RAD54L2: variants seen among roughly 807,000 people sequenced by gnomAD.
The protein encoded by RAD54L2 is RAD54 like 2.
RAD54L2 carries 27 observed loss-of-function variants against 138.4 expected under a neutral mutation model. That is an observed-to-expected ratio of 0.20 (90% CI 0.14 to 0.27). The LOEUF is 0.27. Among genes scored for constraint, RAD54L2 ranks in the 10% least tolerant of loss-of-function variants. The probability of loss-of-function intolerance (pLI) is 1.00; values close to 1 mark genes in which losing one functional copy is unlikely to be tolerated. For missense variants in RAD54L2, 1,396 were observed against 1,890.2 expected (o/e 0.74, Z 4.85); for synonymous variants, 644 against 723.2 (o/e 0.89, Z 1.76).
chr3:51,615,384 C>T (rs1054382841), intron 3 of RAD54L2, among the ~76,000 whole-genome samples: 17 of 152,058 alleles, frequency 1.1e-4, no homozygotes, highest in Admixed American at 7.2e-4. Context: ...TTAGGGAAAG[C>T]GTGGTCCACA....
chr3:51,555,660 C>T (rs555986261), intron 2 of RAD54L2, among the ~76,000 whole-genome samples: 2 of 152,278 alleles, frequency 1.3e-5, no homozygotes, highest in Admixed American at 1.3e-4. Context: ...CAAGCTGTAA[C>T]TCAACCACCA....
intron 3 of RAD54L2, among the ~76,000 whole-genome samples, chr3:51,613,936 C>T (rs1700389139): frequency 6.6e-6 from 1 of 152,150 alleles, no homozygotes; most frequent in African/African-American, 2.4e-5. Context: ...GATCAGGATG[C>T]TACTACTGGA....
chr3:51,616,592 C>G (rs1485288631), intron 3 of RAD54L2, among the ~76,000 whole-genome samples: 1 of 152,124 alleles, frequency 6.6e-6, no homozygotes, highest in African/African-American at 2.4e-5. Flanking sequence ...CTTTGGGAGG[C>G]TGAGGTGGAT....
chr3:51,555,634 G>C (rs1698942792), intron 2 of RAD54L2, among the ~76,000 whole-genome samples: 1 of 152,122 alleles, frequency 6.6e-6, no homozygotes, highest in Non-Finnish European at 1.5e-5. Context: ...TTCCAGCCTG[G>C]GTGACAGAGT....
At chr3:51,543,647 G>C (rs181636830) in intron 2 of RAD54L2, among the ~76,000 whole-genome samples, 2 of 150,742 alleles carry the variant, frequency 1.3e-5, no homozygotes, top group African/African-American at 4.9e-5. Context: ...ATACACCTCT[G>C]GTCTCTAACA....
At chr3:51,583,481 C>T (rs1699651511) in intron 2 of RAD54L2, among the ~76,000 whole-genome samples, 1 of 151,238 alleles carries the variant, frequency 6.6e-6, no homozygotes, top group Non-Finnish European at 1.5e-5. Flanking sequence ...GTGCAATGGC[C>T]TGATCTTGGC....
At chr3:51,553,301 T>C (rs1698885702) in intron 2 of RAD54L2, among the ~76,000 whole-genome samples, 2 of 151,930 alleles carry the variant, frequency 1.3e-5, no homozygotes, top group African/African-American at 2.4e-5. Flanking sequence ...TGGTCTCGAT[T>C]TCTTGACCTC....
At chr3:51,626,960 C>G (rs956540598) in intron 3 of RAD54L2, among the ~76,000 whole-genome samples, 1 of 152,106 alleles carries the variant, frequency 6.6e-6, no homozygotes, top group East Asian at 1.9e-4. Flanking sequence ...TGTGTTTGTA[C>G]ATGCCCTGTC....
intron 2 of RAD54L2, among the ~76,000 whole-genome samples, chr3:51,560,238 T>C (rs570536941): frequency 1.3e-5 from 2 of 152,366 alleles, no homozygotes; most frequent in South Asian, 4.1e-4. Context: ...AATAGCACTC[T>C]AGGCCCTGGT....
chr3:51,657,717 T>C (rs1452862004), intron 21 of RAD54L2, 48 bp downstream of exon 21: 1 of 1,317,654 alleles, frequency 7.6e-7, no homozygotes, highest in Non-Finnish European at 1.1e-6. Context: ...TTGAGAGTGC[T>C]GGGCTGGGAA....
intron 3 of RAD54L2, among the ~76,000 whole-genome samples, chr3:51,612,241 G>C (rs1700348690): frequency 6.6e-6 from 1 of 152,162 alleles, no homozygotes; most frequent in South Asian, 2.1e-4. Context: ...GAGGCGGGCA[G>C]ATCACCTGAG....
chr3:51,561,914 G>T (rs1181418856), intron 2 of RAD54L2, among the ~76,000 whole-genome samples: 1 of 148,804 alleles, frequency 6.7e-6, no homozygotes, highest in Non-Finnish European at 1.5e-5. Context: ...TGTTGCCTAG[G>T]CTGGAGTGCA....
At chr3:51,570,374 C>T (rs1699313081) in intron 2 of RAD54L2, among the ~76,000 whole-genome samples, 1 of 150,086 alleles carries the variant, frequency 6.7e-6, no homozygotes, top group South Asian at 2.1e-4. Flanking sequence ...GAACTCCTGA[C>T]CTCTGGATCC....
intron 2 of RAD54L2, among the ~76,000 whole-genome samples, chr3:51,575,409 G>A (rs957223858): frequency 1.3e-5 from 2 of 152,090 alleles, no homozygotes; most frequent in African/African-American, 4.8e-5. Context: ...GCTTCATGGG[G>A]ATGGCATTGA....
At chr3:51,564,517 G>A (rs1324603295) in intron 2 of RAD54L2, among the ~76,000 whole-genome samples, 1 of 152,204 alleles carries the variant, frequency 6.6e-6, no homozygotes, top group African/African-American at 2.4e-5. Flanking sequence ...GGGAGCTCTT[G>A]GGGTCTGCCC....
At position 51,645,279 on chromosome 3, in the gene RAD54L2, C is replaced by T. The variant is rs770912494; in HGVS notation, c.2656+50C>T. 1.1e-5 allele frequency: 16 copies of T among 1,509,274 alleles called. No homozygotes were observed. The South Asian group carries it at 1.8e-4, about 17-fold the overall frequency. 93.5% of individuals were successfully genotyped at this position (1,509,274 alleles called of 1,614,324 possible). Reference sequence around the variant, plus strand: ...GAGGCACATCTATACAGGCTACCATCCTTTTAGTATCAAGGGTGGGAGAGG... The same window carrying T: ...GAGGCACATCTATACAGGCTACCATTCTTTTAGTATCAAGGGTGGGAGAGG... On this transcript the variant is annotated intron_variant, in intron 17 of 22. Transcript: ENST00000684192. This position sits in a 1 kb window ranked among gnomAD's most constrained non-coding sequence, Gnocchi z 6.1.
At position 51,668,232 on chromosome 3, in the gene RAD54L2, T is replaced by C. The variant is rs1257565381; in HGVS notation, c.*4812T>C. The stretch of plus-strand genomic sequence containing the variant: ...CAAGACAGGTTTTTCCCTTGTACCA[T>C]CTTCAGAGAGGTCAGGGGAAGAGGG... On this transcript the variant is annotated 3_prime_UTR_variant, in exon 23 of 23. Coordinates refer to ENST00000684192, the MANE Select transcript of RAD54L2 (RefSeq NM_015106.4). The C allele has an allele frequency of 6.6e-6, 1 of 152,188 alleles. No homozygotes were observed. Among genetic ancestry groups the C allele is most frequent in the Non-Finnish European group, 1.5e-5 (1 of 68,064 alleles). 9.4% of individuals were successfully genotyped at this position (152,188 alleles called of 1,614,324 possible). A position where few individuals can be genotyped will look rare whatever the true frequency, so the allele number is the denominator to read the frequency against.
At chr3:51,655,702 T>C (rs1218200583) in intron 19 of RAD54L2, among the ~76,000 whole-genome samples, 2 of 152,340 alleles carry the variant, frequency 1.3e-5, no homozygotes, top group South Asian at 2.1e-4. Flanking sequence ...GGAGCAAATA[T>C]TGTCTCCCAT....
chr3:51,619,575 C>T (rs114466493), intron 3 of RAD54L2, among the ~76,000 whole-genome samples: 9 of 151,630 alleles, frequency 5.9e-5, no homozygotes, highest in Non-Finnish European at 1.3e-4. Context: ...CTTTTACTAC[C>T]GGTCTCCTCA....
Sources: gnomAD v4.1 joint callset for allele counts (sites outside exome capture counted in the v4.1 genomes callset) on GRCh38, gnomAD v4.1.1 for gene constraint, Gnocchi (gnomAD v3.1) non-coding constraint, MANE v1.5 for transcripts, NCBI Gene and HGNC (gene_info 2026-07-23, HGNC 2026-07-21) for gene names.